ZNF254: variants seen among roughly 807,000 people sequenced by gnomAD.
The protein encoded by ZNF254 is zinc finger protein 254, also known as CTD-2017D11.1.
A neutral mutation model predicts 12.4 loss-of-function variants in ZNF254; 10 were observed. The ratio of observed to expected loss-of-function variants is 0.80; its 90% CI spans 0.50 to 1.36. The LOEUF (loss-of-function observed/expected upper bound fraction) is 1.36, where lower values mean the gene tolerates loss of function less well. Ranked by LOEUF, ZNF254 falls within the 40% of genes most tolerant of loss-of-function variation. The pLI is 0.00. For synonymous variants in ZNF254, 305 were observed against 253.4 expected (o/e 1.20, Z -1.93); for missense variants, 996 against 763.9 (o/e 1.30, Z -3.58).
exon 1 of ZNF254, chr19:24,033,508 T>C: frequency 4.5e-6 from 1 of 219,862 alleles, no homozygotes; most frequent in Non-Finnish European, 9.4e-6. Flanking sequence ...CTCTTCTGCA[T>C]TCTCCACCTC....
At chr19:24,055,165 T>C (rs1970793518) in intron 2 of ZNF254, among the ~76,000 whole-genome samples, 1 of 121,224 alleles carries the variant, frequency 8.2e-6, no homozygotes, top group Non-Finnish European at 1.6e-5. Context: ...ATCATGCCAC[T>C]GTACTCCAGC....
At chr19:24,063,853 A>T (rs1328541066) in intron 2 of ZNF254, 2 of 150,984 alleles carry the variant, frequency 1.3e-5, no homozygotes, top group Non-Finnish European at 2.9e-5. Context: ...CACTAAGAAG[A>T]TGTGAGTCCT....
In ZNF254 at chr19:24,054,579, C is replaced by T. The variant is rs550169068; in HGVS notation, c.-94+8300C>T. ...GGTGAGATTGTTTCTTATATGCACA[C>T]CTCACCAATTATTAGGATTATCACC... On this transcript the variant is annotated intron_variant, in intron 2 of 4. Transcript: ENST00000613065. Among the ~76,000 whole-genome samples, 5 of 152,290 alleles carry T rather than the reference C, an allele frequency of 3.3e-5. No homozygotes were observed. The East Asian group carries it at 9.7e-4, about 30-fold the overall frequency.
In ZNF254 at chr19:24,087,221, C is replaced by T; in HGVS notation, c.-87C>T. The T allele has an allele frequency of 6.3e-7, 1 of 1,582,774 alleles. No individual in the cohort carries two copies. The highest frequency in any genetic ancestry group is 1.1e-5 in the South Asian group (1 of 90,472). ...TCTCGCTGTCGCCGGAGTCCCAGGT[C>T]TGTCTTCACTGCTCTGTGTCCTCTG... On this transcript the variant is annotated 5_prime_UTR_variant, in exon 1 of 4. Transcript: ENST00000357002.
At position 24,058,174 on chromosome 19, in the gene ZNF254, C is replaced by T. The variant is rs111592856; in HGVS notation, c.-94+11895C>T. Among the ~76,000 whole-genome samples, 972 of 152,290 alleles carry T rather than the reference C, an allele frequency of 6.4e-3. 11 individuals carry two copies. Among genetic ancestry groups the T allele is most frequent in the African/African-American group, 0.022 (911 of 41,564 alleles). ...GCGGGTTATGTACAGGATTGTTAAT[C>T]TCATTTGGACCTTCCTGCACCTATG... is the stretch of plus-strand genomic sequence containing the variant. On this transcript the variant is annotated intron_variant, in intron 2 of 4. Coordinates refer to the ZNF254 transcript ENST00000613065.
intron 1 of ZNF254, chr19:24,103,793 C>T (rs909720386): frequency 3.9e-5 from 6 of 151,948 alleles, no homozygotes; most frequent in Middle Eastern, 3.1e-3. Context: ...GGCACAATCT[C>T]GGCTCACTGC....
Position 24,126,747 on chromosome 19 carries a change from A to G in ZNF254, c.747A>G (p.Gln249=), listed in dbSNP as rs776066379. ...AAGAATATAACAAATCTCCTAAGCA[A>G]CTCTCAACCCTTACTACACATGAAA... ...KCEEYNKSPK[Q]LSTLTTHEII... Residue 249 remains glutamine, a synonymous_variant, in exon 4 of 4, where the codon CAA becomes CAG. Transcript: ENST00000357002. The G allele has an allele frequency of 6.2e-7, 1 of 1,613,300 alleles. No homozygotes were observed. Among genetic ancestry groups the G allele is most frequent in the Non-Finnish European group, 8.5e-7 (1 of 1,179,794 alleles).
chr19:24,087,185 G>T, upstream of ZNF254: 1 of 1,284,710 alleles, frequency 7.8e-7, no homozygotes, highest in Admixed American at 2.0e-5. Flanking sequence ...GGATATGGCG[G>T]GGCCTTTGTC....
intron 2 of ZNF254, chr19:24,066,990 GC>G (rs1394499618): frequency 6.6e-6 from 1 of 152,088 alleles, no homozygotes; most frequent in Non-Finnish European, 1.5e-5. Flanking sequence ...CCTGGTCTCT[GC>G]CCCCAGGAAG....
intron 1 of ZNF254, among the ~76,000 whole-genome samples, chr19:24,101,688 T>C (rs923764412): frequency 2.0e-5 from 3 of 152,236 alleles, no homozygotes; most frequent in Admixed American, 1.3e-4. Context: ...ACTTCCATTT[T>C]CTATTTAGAA....
In ZNF254 at chr19:24,128,108, C is replaced by A. The variant is rs1056021078; in HGVS notation, c.*128C>A. 14 of 948,072 alleles carry A rather than the reference C, an allele frequency of 1.5e-5. No homozygotes were observed. Among genetic ancestry groups the A allele is most frequent in the Non-Finnish European group, 1.9e-5 (13 of 691,946 alleles). 58.7% of individuals were successfully genotyped at this position (948,072 alleles called of 1,614,324 possible). A position where few individuals can be genotyped will look rare whatever the true frequency, so the allele number is the denominator to read the frequency against. On this transcript the variant is annotated 3_prime_UTR_variant, in exon 4 of 4. Transcript: ENST00000357002. ...CAGTACCTAAAACTTTAAAGAAAAT[C>A]ATTCTGCTGAAAAATCCTAGAAATG...
rs541658047 is a variant in ZNF254, at chr19:24,075,482, G to A, written c.-94+29203G>A. Among the ~76,000 whole-genome samples the A allele has an allele frequency of 4.3e-4, 66 of 152,288 alleles. 1 individual carries two copies. Among genetic ancestry groups the A allele is most frequent in the Middle Eastern group, 3.4e-3 (1 of 294 alleles). ...TGTCAGCAGGTTCCACGATGCCCCC[G>A]AGCCGCAAAACCAGCAAGTTTTTAT... On this transcript the variant is annotated intron_variant, in intron 2 of 4. Transcript: ENST00000613065.
chr19:24,044,354 T>G (rs1970294552), intron 1 of ZNF254, among the ~76,000 whole-genome samples: 1 of 151,766 alleles, frequency 6.6e-6, no homozygotes, highest in Non-Finnish European at 1.5e-5. Flanking sequence ...CTGGCTAACA[T>G]GGTGAAACCC....
intron 2 of ZNF254, among the ~76,000 whole-genome samples, chr19:24,053,655 C>T (rs144941162): frequency 2.4e-3 from 359 of 152,270 alleles, no homozygotes; most frequent in African/African-American, 8.3e-3. Context: ...GTGTGACTCT[C>T]CTGTGCTGCC....
intron 2 of ZNF254, among the ~76,000 whole-genome samples, chr19:24,049,767 A>C (rs1430491274): frequency 2.0e-5 from 3 of 152,022 alleles, no homozygotes; most frequent in Non-Finnish European, 4.4e-5. Context: ...TCCCAAACCT[A>C]GGTGATGTAA....
At chr19:24,034,705 G>C (rs914685935) in intron 1 of ZNF254, among the ~76,000 whole-genome samples, 3 of 151,766 alleles carry the variant, frequency 2.0e-5, no homozygotes, top group African/African-American at 7.3e-5. Flanking sequence ...TCCAACTCTG[G>C]ACAAGAGGTA....
chr19:24,094,628 G>A (rs996993761), intron 1 of ZNF254, among the ~76,000 whole-genome samples: 1 of 151,936 alleles, frequency 6.6e-6, no homozygotes, highest in Non-Finnish European at 1.5e-5. Flanking sequence ...TTGAATAGTA[G>A]TGTTGAGAGA....
chr19:24,041,288 C>A (rs1970143746), intron 1 of ZNF254, among the ~76,000 whole-genome samples: 1 of 152,242 alleles, frequency 6.6e-6, no homozygotes, highest in African/African-American at 2.4e-5. Context: ...GGAGCCCACT[C>A]CCTCAGCTTG....
At position 24,128,222 on chromosome 19, in the gene ZNF254, C is replaced by T. The variant is rs540039884; in HGVS notation, c.*242C>T. 2.1e-4 allele frequency: 88 copies of T among 426,254 alleles called. 1 individual carries two copies. The highest frequency in any genetic ancestry group is 1.1e-3 in the South Asian group (15 of 14,086). 26.4% of individuals were successfully genotyped at this position (426,254 alleles called of 1,614,324 possible). On this transcript the variant is annotated 3_prime_UTR_variant, in exon 4 of 4. Transcript: ENST00000357002. Reference sequence around the variant, plus strand: ...TGGAGAAAACTACCAGTGTGAACAACGTGGCCAAGCTTCGACAATGCTCAC... The same window carrying T: ...TGGAGAAAACTACCAGTGTGAACAATGTGGCCAAGCTTCGACAATGCTCAC...
Sources: gnomAD v4.1 joint callset for allele counts (sites outside exome capture counted in the v4.1 genomes callset) on GRCh38, gnomAD v4.1.1 for gene constraint, MANE v1.5 for transcripts, NCBI Gene and HGNC (gene_info 2026-07-23, HGNC 2026-07-21) for gene names.